Variants in DPH6 observed in about 807,000 individuals in gnomAD.
DPH6 encodes diphthine--ammonia ligase.
A neutral mutation model predicts 38.2 loss-of-function variants in DPH6; 33 were observed. The observed-to-expected ratio is 0.86, with a 90% confidence interval of 0.65 to 1.15. The LOEUF is 1.15. DPH6 is among the 50% of genes most tolerant of loss of function. The pLI, the probability that DPH6 is intolerant of heterozygous loss-of-function variation, is 0.00. For synonymous variants in DPH6, 108 were observed against 103.0 expected, an observed-to-expected ratio of 1.05 and a Z score of -0.30; for missense variants, 325 against 320.0, an observed-to-expected ratio of 1.02 and a Z score of -0.12.
At position 35,237,323 on chromosome 15, in the gene DPH6, G is replaced by A. The variant is rs777371717; in HGVS notation, n.201-16741C>T. 2.5e-5 allele frequency: 39 copies of A among 1,588,852 alleles called. No homozygotes were observed. In the East Asian group the frequency reaches 3.4e-4, roughly 14 times the overall value. Reference sequence around the variant, plus strand: ...GCGGGAGCCTCTGCAGAGAACGCGAGAGATGAAGATGGGCAGACGGATTCA... The same window carrying A: ...GCGGGAGCCTCTGCAGAGAACGCGAAAGATGAAGATGGGCAGACGGATTCA... On this transcript the variant is annotated intron_variant and non_coding_transcript_variant, in intron 3 of 3. Transcript: ENST00000560386.
intron 3 of DPH6, among the ~76,000 whole-genome samples, chr15:35,485,319 T>G (rs1020900824): frequency 1.3e-5 from 2 of 152,240 alleles, no homozygotes; most frequent in Admixed American, 1.3e-4. Context: ...TGTGTTGCCA[T>G]GTGTTGTTTT....
At chr15:35,489,516 T>C in intron 3 of DPH6, 3 of 983,470 alleles carry the variant, frequency 3.1e-6, no homozygotes, top group Non-Finnish European at 3.6e-6. Flanking sequence ...AGCCAGAACT[T>C]ATTTTCATAA....
rs2054910307 is a variant in DPH6 at position 35,520,613 on chromosome 15, C to T, written c.312+17661G>A. On this transcript the variant is annotated intron_variant, in intron 3 of 8. Coordinates refer to ENST00000256538, the MANE Select transcript of DPH6 (RefSeq NM_080650.4). ...AATACTACCATTTAATTTTTTTCCA[C>T]TAAAAATAATGCAAAAGTAAAAGGG... 3 of 984,250 alleles carry T rather than the reference C, an allele frequency of 3.0e-6. No homozygotes were observed. The African/African-American group carries it at 5.2e-5, about 17-fold the overall frequency. The allele number at this position is 984,250 out of a possible 1,614,324, so 61.0% of individuals were successfully genotyped here.
intron 3 of DPH6, among the ~76,000 whole-genome samples, chr15:35,512,268 C>G (rs979516390): frequency 6.6e-6 from 1 of 152,038 alleles, no homozygotes; most frequent in African/African-American, 2.4e-5. Context: ...TTAAATGTTG[C>G]CAAACTTAAT....
downstream of DPH6, among the ~76,000 whole-genome samples, chr15:35,213,125 T>C (rs2051395735): frequency 6.6e-6 from 1 of 152,222 alleles, no homozygotes; most frequent in African/African-American, 2.4e-5. Context: ...TCCTTATCTG[T>C]CTGAGGTAAG....
intron 1 of DPH6, among the ~76,000 whole-genome samples, chr15:35,542,945 A>AATATATAT (rs67141062): frequency 0.014 from 410 of 30,226 alleles, 43 homozygotes; most frequent in East Asian, 0.049. Context: ...CCACTTAAGG[A>AATATATAT]ATATATATAT....
the DPH6 span, among the ~76,000 whole-genome samples, chr15:35,200,454 A>G: frequency 6.6e-6 from 1 of 152,186 alleles, no homozygotes; most frequent in Admixed American, 6.5e-5. Context: ...GACTGACATT[A>G]AAAAAGATTA....
chr15:35,397,875 A>ACGCG (rs59385983), intron 6 of DPH6, among the ~76,000 whole-genome samples: 1 of 149,246 alleles, frequency 6.7e-6, no homozygotes, highest in African/African-American at 2.5e-5. Context: ...ATATACACAC[A>ACGCG]CACACACACA....
chr15:35,234,622 C>T (rs566712062), intron 3 of DPH6, among the ~76,000 whole-genome samples: 2 of 152,370 alleles, frequency 1.3e-5, no homozygotes, highest in South Asian at 4.1e-4. Context: ...TGACTCCACT[C>T]ATAGACTTAA....
chr15:35,461,497 T>G lies in DPH6; in HGVS notation c.313-6677A>C, dbSNP rs566937168. On this transcript the variant is annotated intron_variant, in intron 3 of 8. Coordinates refer to ENST00000256538, the MANE Select transcript of DPH6 (RefSeq NM_080650.4). ...AACTGGGAGTGCATGGGAGTATGCATGCACATGCACATACATGCTGTATAT... is the reference window on the plus strand; with the variant it reads ...AACTGGGAGTGCATGGGAGTATGCAGGCACATGCACATACATGCTGTATAT... Among the ~76,000 whole-genome samples, 25 of 152,354 alleles carry G rather than the reference T, an allele frequency of 1.6e-4. No individual in the cohort carries two copies. In the South Asian group the frequency reaches 5.0e-3, roughly 30 times the overall value.
intron 3 of DPH6, among the ~76,000 whole-genome samples, chr15:35,245,232 C>CTTTTTTTTT (rs71123123): frequency 1.1e-4 from 9 of 81,384 alleles, no homozygotes; most frequent in East Asian, 7.7e-4. Flanking sequence ...ATTGTTCTTG[C>CTTTTTTTTT]TTTTTTTTTT....
intron 3 of DPH6, among the ~76,000 whole-genome samples, chr15:35,515,409 A>C (rs1450532466): frequency 6.6e-6 from 1 of 152,014 alleles, no homozygotes; most frequent in African/African-American, 2.4e-5. Context: ...CCTGGGTAAC[A>C]CAACAAGATG....
intron 3 of DPH6, among the ~76,000 whole-genome samples, chr15:35,455,361 G>C (rs1481387986): frequency 6.6e-6 from 1 of 152,074 alleles, no homozygotes; most frequent in Non-Finnish European, 1.5e-5. Flanking sequence ...TCATGGGAAG[G>C]AAGCAATGAA....
intron 3 of DPH6, among the ~76,000 whole-genome samples, chr15:35,460,096 G>T (rs1056526945): frequency 6.6e-6 from 1 of 152,076 alleles, no homozygotes; most frequent in Non-Finnish European, 1.5e-5. Flanking sequence ...CAAAACCATT[G>T]TATTTTACCA....
chr15:35,279,005 C>G (rs112925255), intron 3 of DPH6, among the ~76,000 whole-genome samples: 6 of 144,204 alleles, frequency 4.2e-5, no homozygotes, highest in African/African-American at 2.6e-5. Context: ...ACTGAGATCA[C>G]GCCACTGCAA....
chr15:35,375,180 A>G (rs377068397), intron 7 of DPH6, among the ~76,000 whole-genome samples: 1 of 152,060 alleles, frequency 6.6e-6, no homozygotes, highest in Admixed American at 6.6e-5. Context: ...TTCTCATGTC[A>G]GTTATCACCA....
intron 5 of DPH6, among the ~76,000 whole-genome samples, chr15:35,441,183 G>A (rs1293021204): frequency 6.6e-6 from 1 of 152,212 alleles, no homozygotes; most frequent in Non-Finnish European, 1.5e-5. Flanking sequence ...AGGATGTGGA[G>A]AAATAAGAAT....
chr15:35,454,850 A>C (rs2053977126), intron 3 of DPH6, 30 bp from the exon 4 acceptor site: 2 of 1,535,302 alleles, frequency 1.3e-6, no homozygotes, highest in Non-Finnish European at 1.8e-6. Flanking sequence ...CCATAACTTT[A>C]AAAATAAAGT....
intron 3 of DPH6, among the ~76,000 whole-genome samples, chr15:35,506,337 T>A (rs779034865): frequency 1.3e-5 from 2 of 152,152 alleles, no homozygotes; most frequent in Non-Finnish European, 2.9e-5. Context: ...TAATGATGGC[T>A]TGTATGACAA....
Sources: allele counts gnomAD v4.1 joint callset (sites outside exome capture counted in the v4.1 genomes callset), GRCh38; gene constraint gnomAD v4.1.1; transcripts MANE v1.5; gene names NCBI Gene and HGNC (gene_info 2026-07-23, HGNC 2026-07-21).